The following CTSL variants were observed in gnomAD, a reference collection of about 807,000 sequenced individuals.
CTSL encodes the protein procathepsin L.
Under a neutral mutation model 34.7 loss-of-function variants are expected in CTSL, and 23 were observed. The ratio of observed to expected loss-of-function variants is 0.66; its 90% CI spans 0.48 to 0.94. The LOEUF is 0.94. Ranked by LOEUF, CTSL falls within the 40% of genes least tolerant of loss-of-function variation. The pLI is 0.00. For missense variants in CTSL, 361 were observed against 406.3 expected (o/e 0.89, Z 0.96); for synonymous variants, 129 against 136.7 (o/e 0.94, Z 0.39).
chr9:87,731,115 G>T lies in CTSL; in HGVS notation c.*8G>T. The T allele has an allele frequency of 2.5e-6, 4 of 1,610,924 alleles. No individual in the cohort carries two copies. Among genetic ancestry groups the T allele is most frequent in the Non-Finnish European group, 3.4e-6 (4 of 1,177,444 alleles). On this transcript the variant is annotated 3_prime_UTR_variant, in exon 8 of 8. Transcript: ENST00000343150. ...AGCTACCCCACTGTGTGAGCTGGTG[G>T]ACGGTGATGAGGAAGGACTTGACTG...
intron 6 of CTSL, 131 bp from the exon 7 acceptor site, chr9:87,730,250 G>A: frequency 1.9e-6 from 1 of 531,672 alleles, no homozygotes. Context: ...TCTTATTGTT[G>A]TTAAGTACTA....
chr9:87,730,886 C>A, intron 7 of CTSL, 122 bp from the exon 8 acceptor site: 1 of 721,260 alleles, frequency 1.4e-6, no homozygotes, highest in Non-Finnish European at 2.3e-6. Flanking sequence ...AGGAACATTG[C>A]CTGTCCTGAT....
chr9:87,729,437 C>T, intron 5 of CTSL, 136 bp from the exon 6 acceptor site: 2 of 716,742 alleles, frequency 2.8e-6, no homozygotes, highest in East Asian at 2.8e-5. Flanking sequence ...TAGCATTTCA[C>T]TTCCTGGGAT....
chr9:87,730,327 A>G (rs1333280197), intron 6 of CTSL, 54 bp from the exon 7 acceptor site: 1 of 1,166,546 alleles, frequency 8.6e-7, no homozygotes, highest in Admixed American at 2.2e-5. Context: ...AGGATGGGTT[A>G]CTGTCATGTG....
chr9:87,726,617 A>G (rs148323280), intron 1 of CTSL, among the ~76,000 whole-genome samples: 161 of 152,332 alleles, frequency 1.1e-3, no homozygotes, highest in African/African-American at 3.5e-3. Flanking sequence ...GCGTGCGGCC[A>G]TATGACCCCG....
intron 5 of CTSL, 55 bp downstream of exon 5, chr9:87,728,864 TA>T: frequency 6.8e-6 from 11 of 1,612,130 alleles, no homozygotes; most frequent in Non-Finnish European, 9.3e-6. Flanking sequence ...GTGGACACTT[TA>T]AGAGATAACA....
At chr9:87,726,547 A>ATGTCCCCGGCCC (rs1587867427) in intron 1 of CTSL, 149 bp downstream of exon 1, 1 of 152,272 alleles carries the variant, frequency 6.6e-6, no homozygotes, top group African/African-American at 2.4e-5. Flanking sequence ...CGCAGGCGTC[A>ATGTCCCCGGCCC]TGTCCCCGGC....
chr9:87,727,231 T>TTTTTGCGATTGGTACAAAACCTGGATC, intron 1 of CTSL, among the ~76,000 whole-genome samples: 1 of 152,104 alleles, frequency 6.6e-6, no homozygotes. Flanking sequence ...AAACCTGGAT[T>TTTTTGCGATTGGTACAAAACCTGGATC]TTTTGCGATT....
chr9:87,727,782 CAG>C (rs1363586316), intron 2 of CTSL, 53 bp downstream of exon 2: 4 of 1,605,718 alleles, frequency 2.5e-6, no homozygotes, highest in African/African-American at 1.3e-5. Context: ...AAGTTTTAGT[CAG>C]AGAGTAGCTT....
Position 87,727,690 on chromosome 9 carries a change from G to T in CTSL, c.87G>T (p.Trp29Cys), listed in dbSNP as rs764222960. The change falls in exon 2 of 8, where the codon TGG becomes TGT. Residue 29 changes from tryptophan to cysteine, a missense_variant. Transcript: ENST00000343150. The stretch of plus-strand genomic sequence containing the variant: ...TTGATCACAGTTTAGAGGCACAGTG[G>T]ACCAAGTGGAAGGCGATGCACAACA... Reference protein sequence around the residue: ...LTFDHSLEAQWTKWKAMHNRL... With the variant: ...LTFDHSLEAQCTKWKAMHNRL... 2 of 1,614,130 alleles carry T rather than the reference G, an allele frequency of 1.2e-6. No individual in the cohort carries two copies. The highest frequency in any genetic ancestry group is 2.2e-5 in the South Asian group (2 of 91,084).
At chr9:87,730,029 G>T (rs1826198788) in intron 6 of CTSL, among the ~76,000 whole-genome samples, 1 of 152,098 alleles carries the variant, frequency 6.6e-6, no homozygotes, top group African/African-American at 2.4e-5. Context: ...TTTTTCCAAA[G>T]ATTTTTACTT....
At position 87,729,562 on chromosome 9, in the gene CTSL, A is replaced by C. The variant is rs1251347195; in HGVS notation, c.622-11A>C. 9 of 1,608,372 alleles carry C rather than the reference A, an allele frequency of 5.6e-6. No individual in the cohort carries two copies. In the African/African-American group the frequency reaches 1.2e-4, roughly 22 times the overall value. The stretch of plus-strand genomic sequence containing the variant: ...GTAATCAAGTCTTTTTTTTCCCTTT[A>C]CCTTTGAAAGGAAGAATCCTGTAAG... On this transcript the variant is annotated splice_polypyrimidine_tract_variant and intron_variant, in intron 5 of 7. Transcript: ENST00000343150.
At position 87,728,574 on chromosome 9, in the gene CTSL, TC is replaced by T; in HGVS notation, c.397-8del. 1 of 1,598,424 alleles carries T rather than the reference TC, an allele frequency of 6.3e-7. No individual in the cohort carries two copies. The highest frequency in any genetic ancestry group is 8.5e-7 in the Non-Finnish European group (1 of 1,174,928). ...TTTGTGGATGACAGCTTTTTTTAAT[TC>T]CCTTTTCAGGGTCAGTGTGGTTCTT... On this transcript the variant is annotated splice_polypyrimidine_tract_variant and intron_variant, in intron 4 of 7. Coordinates refer to ENST00000343150, the MANE Select transcript of CTSL (RefSeq NM_001912.5).
intron 5 of CTSL, among the ~76,000 whole-genome samples, chr9:87,729,203 A>G (rs1225064098): frequency 3.9e-5 from 6 of 152,154 alleles, no homozygotes; most frequent in Non-Finnish European, 5.9e-5. Flanking sequence ...ATGGCAGAAT[A>G]TATATCTGCA....
chr9:87,728,134 C>T lies in CTSL; in HGVS notation c.234C>T (p.Asn78=), dbSNP rs779784443. ...EGKHSFTMAM[N]AFGDMTSEEF... ...AACACAGCTTCACAATGGCCATGAA[C>T]GCCTTTGGAGACATGGTAAGTGTGC... The change falls in exon 3 of 8, where the codon AAC becomes AAT. Residue 78 remains asparagine (N), a synonymous_variant. Transcript: ENST00000343150. 5.0e-6 allele frequency: 8 copies of T among 1,614,080 alleles called. No homozygotes were observed. The highest frequency in any genetic ancestry group is 4.4e-5 in the South Asian group (4 of 91,088).
chr9:87,727,474 T>G, intron 1 of CTSL, 120 bp from the exon 2 acceptor site: 1 of 1,082,968 alleles, frequency 9.2e-7, no homozygotes, highest in East Asian at 2.5e-5. Context: ...CTTGGGTAAA[T>G]GCTTGGGAGA....
At chr9:87,727,562 TA>T in intron 1 of CTSL, 31 bp from the exon 2 acceptor site, 1 of 1,611,704 alleles carries the variant, frequency 6.2e-7, no homozygotes, top group African/African-American at 1.3e-5. Flanking sequence ...AGGATTGGTC[TA>T]ATCAGATCCT....
intron 6 of CTSL, 41 bp downstream of exon 6, chr9:87,729,776 A>G: frequency 6.4e-7 from 1 of 1,574,442 alleles, no homozygotes; most frequent in African/African-American, 1.4e-5. Context: ...GCAGAAAAAG[A>G]GTATCATGAC....
rs1826193080 is a variant in CTSL, at chr9:87,729,891, G to A, written c.784+156G>A. 3.3e-5 allele frequency among the ~76,000 whole-genome samples: 5 copies of A among 152,310 alleles called. No individual in the cohort carries two copies. In the South Asian group the frequency reaches 1.0e-3, roughly 32 times the overall value. On this transcript the variant is annotated intron_variant, in intron 6 of 7. Transcript: ENST00000343150. ...TGTACATGCAATATTTATACCTGAT[G>A]TTTCCATTTGACATTATGTTGCGTA...
Sources: allele counts gnomAD v4.1 joint callset (sites outside exome capture counted in the v4.1 genomes callset), GRCh38; gene constraint gnomAD v4.1.1; transcripts MANE v1.5; gene names NCBI Gene and HGNC (gene_info 2026-07-23, HGNC 2026-07-21).